HIBCH: variants seen among roughly 807,000 people sequenced by gnomAD.
HIBCH encodes 3-hydroxyisobutyryl-CoA hydrolase, mitochondrial.
A neutral mutation model predicts 58.2 loss-of-function variants in HIBCH; 50 were observed. The ratio of observed to expected loss-of-function variants is 0.86; its 90% CI spans 0.68 to 1.09. The LOEUF (loss-of-function observed/expected upper bound fraction) is 1.09. HIBCH is among the 50% of genes least tolerant of loss of function. The probability of loss-of-function intolerance (pLI) is 0.00; values close to 1 mark genes in which losing one functional copy is unlikely to be tolerated. For synonymous variants in HIBCH, 151 were observed against 146.9 expected (o/e 1.03, Z -0.20); for missense variants, 450 against 449.7 (o/e 1.00, Z -0.01).
intron 6 of HIBCH, among the ~76,000 whole-genome samples, chr2:190,267,449 G>A (rs971336526): frequency 1.3e-5 from 2 of 151,876 alleles, no homozygotes; most frequent in African/African-American, 2.4e-5. Flanking sequence ...CATCCACCTC[G>A]GCCTCCCAAA....
chr2:190,297,542 C>T (rs894774726), intron 2 of HIBCH, among the ~76,000 whole-genome samples: 2 of 152,176 alleles, frequency 1.3e-5, no homozygotes, highest in African/African-American at 4.8e-5. Flanking sequence ...AAGTAGTTTG[C>T]AGCCAGATTA....
chr2:190,190,616 A>G (rs1415684153), intron 1 of HIBCH, among the ~76,000 whole-genome samples: 4 of 152,204 alleles, frequency 2.6e-5, no homozygotes, highest in African/African-American at 9.6e-5. Context: ...TTAACTTTTT[A>G]AGAAACAGCC....
intron 1 of HIBCH, 63 bp downstream of exon 1, chr2:190,319,653 C>A (rs553046422): frequency 1.5e-5 from 21 of 1,426,580 alleles, no homozygotes; most frequent in Non-Finnish European, 2.1e-5. Flanking sequence ...ACCCCCGGCC[C>A]TTTTCCCACT....
At chr2:190,275,892 T>C (rs1687534940) in intron 6 of HIBCH, among the ~76,000 whole-genome samples, 1 of 152,228 alleles carries the variant, frequency 6.6e-6, no homozygotes, top group Admixed American at 6.5e-5. Context: ...AAATTAAAGC[T>C]GAGCAAACTT....
intron 11 of HIBCH, among the ~76,000 whole-genome samples, chr2:190,219,470 G>A (rs187512884): frequency 6.6e-5 from 10 of 152,236 alleles, no homozygotes; most frequent in East Asian, 3.9e-4. Flanking sequence ...TCTCTCACCC[G>A]AACCAAAGAA....
intron 6 of HIBCH, among the ~76,000 whole-genome samples, chr2:190,268,823 C>A (rs2105961493): frequency 6.6e-6 from 1 of 152,178 alleles, no homozygotes; most frequent in Middle Eastern, 3.4e-3. Context: ...TTTTCAAAGA[C>A]TGATAATTAT....
intron 12 of HIBCH, among the ~76,000 whole-genome samples, chr2:190,212,717 G>A (rs1432532078): frequency 2.0e-5 from 3 of 152,102 alleles, no homozygotes. Flanking sequence ...TCTAAGATGA[G>A]GTTAGAGAGC....
In HIBCH at chr2:190,243,256, G is replaced by T. The variant is rs1559029878; in HGVS notation, c.891+1631C>A. Among the ~76,000 whole-genome samples the T allele has an allele frequency of 6.6e-6, 1 of 152,164 alleles. No individual in the cohort carries two copies. Among genetic ancestry groups the T allele is most frequent in the African/African-American group, 2.4e-5 (1 of 41,440 alleles). On this transcript the variant is annotated intron_variant, in intron 11 of 13. Coordinates refer to ENST00000359678, the MANE Select transcript of HIBCH (RefSeq NM_014362.4). This position sits in a 1 kb window ranked among gnomAD's most constrained non-coding sequence, Gnocchi z 4.1. The stretch of plus-strand genomic sequence containing the variant: ...AGAGACTGGCCTAGCCTCCCAGCCT[G>T]TATCTTTCTCCCATGCTGGATGCTT...
chr2:190,199,984 G>A, downstream of HIBCH: 2 of 1,614,122 alleles, frequency 1.2e-6, no homozygotes, highest in Non-Finnish European at 1.7e-6. Flanking sequence ...GGCTTCTCCA[G>A]TTAATGTCAA....
chr2:190,259,981 G>A (rs1219570701), intron 7 of HIBCH, among the ~76,000 whole-genome samples: 1 of 152,108 alleles, frequency 6.6e-6, no homozygotes, highest in Non-Finnish European at 1.5e-5. Context: ...AAGACTAAAT[G>A]CTTTCCCCTA....
chr2:190,273,200 C>G (rs1488831959), intron 6 of HIBCH, among the ~76,000 whole-genome samples: 1 of 152,220 alleles, frequency 6.6e-6, no homozygotes, highest in East Asian at 1.9e-4. Flanking sequence ...CGAGACCAGC[C>G]TGACCAACAT....
At chr2:190,288,573 T>C (rs1047845333) in intron 5 of HIBCH, among the ~76,000 whole-genome samples, 4 of 151,542 alleles carry the variant, frequency 2.6e-5, no homozygotes, top group Admixed American at 6.6e-5. Flanking sequence ...ATGTGGGATA[T>C]AATCATAATA....
intron 7 of HIBCH, among the ~76,000 whole-genome samples, chr2:190,256,468 T>A (rs569363101): frequency 2.4e-4 from 36 of 150,160 alleles, no homozygotes; most frequent in African/African-American, 8.1e-4. Context: ...ATAATAATAA[T>A]AAATCTTACA....
At chr2:190,218,085 A>AC (rs1312592717) in intron 11 of HIBCH, among the ~76,000 whole-genome samples, 2 of 147,770 alleles carry the variant, frequency 1.4e-5, no homozygotes, top group Non-Finnish European at 3.0e-5. Context: ...TAAAACCTCC[A>AC]CCCCCACCCC....
At chr2:190,257,224 GAGA>G (rs1686951619) in intron 7 of HIBCH, among the ~76,000 whole-genome samples, 1 of 152,162 alleles carries the variant, frequency 6.6e-6, no homozygotes, top group African/African-American at 2.4e-5. Flanking sequence ...ATAAGGAAGA[GAGA>G]AGACTTTCTG....
chr2:190,287,027 C>CACGTGTGTGTGTGT (rs1553504916), intron 6 of HIBCH, among the ~76,000 whole-genome samples: 1 of 142,220 alleles, frequency 7.0e-6, no homozygotes, highest in Non-Finnish European at 1.5e-5. Context: ...TAGCATATAA[C>CACGTGTGTGTGTGT]GTGTGTGTGT....
chr2:190,285,667 C>A (rs955948884), intron 6 of HIBCH, among the ~76,000 whole-genome samples: 1 of 152,066 alleles, frequency 6.6e-6, no homozygotes, highest in African/African-American at 2.4e-5. Context: ...ATACTACCTA[C>A]CTACCTAGGC....
intron 11 of HIBCH, among the ~76,000 whole-genome samples, chr2:190,242,271 A>G (rs1476085648): frequency 6.6e-6 from 1 of 151,640 alleles, no homozygotes; most frequent in Admixed American, 6.6e-5. Context: ...TCGTTCTTCA[A>G]GAAGATTTAT....
intron 6 of HIBCH, among the ~76,000 whole-genome samples, chr2:190,283,994 C>T (rs1171480652): frequency 6.6e-6 from 1 of 152,228 alleles, no homozygotes; most frequent in Non-Finnish European, 1.5e-5. Context: ...CTTGTTCAAA[C>T]AGACTGCTAG....
Sources: gnomAD v4.1 joint callset for allele counts (sites outside exome capture counted in the v4.1 genomes callset) on GRCh38, gnomAD v4.1.1 for gene constraint, Gnocchi (gnomAD v3.1) non-coding constraint, MANE v1.5 for transcripts, NCBI Gene and HGNC (gene_info 2026-07-23, HGNC 2026-07-21) for gene names.